Variants in CTIF observed in about 807,000 individuals in gnomAD.
CTIF encodes CBP80/20-dependent translation initiation factor.
In CTIF, 21 loss-of-function variants were observed where a neutral mutation model predicts 66.0. That is an observed-to-expected ratio of 0.32 (90% CI 0.23 to 0.46). The LOEUF is 0.46. CTIF is among the 20% of genes least tolerant of loss of function. CTIF has a pLI of 1.00. For synonymous variants in CTIF, 345 were observed against 326.4 expected (o/e 1.06, Z -0.62); for missense variants, 739 against 812.7 (o/e 0.91, Z 1.10).
intron 9 of CTIF, among the ~76,000 whole-genome samples, chr18:48,774,434 G>A (rs867375595): frequency 2.0e-5 from 3 of 152,064 alleles, no homozygotes; most frequent in African/African-American, 7.2e-5. Context: ...CGGTATCAGG[G>A]TGCAGAGCTC....
At chr18:48,847,412 C>G (rs1427610076) in intron 10 of CTIF, among the ~76,000 whole-genome samples, 1 of 152,078 alleles carries the variant, frequency 6.6e-6, no homozygotes, top group Non-Finnish European at 1.5e-5. Context: ...AGATCCAGGA[C>G]TCTCCAGCAC....
chr18:48,581,457 T>A (rs1170421147), intron 1 of CTIF, among the ~76,000 whole-genome samples: 2 of 152,070 alleles, frequency 1.3e-5, no homozygotes, highest in Non-Finnish European at 2.9e-5. Context: ...CATGCCTGAG[T>A]TGGGTTGGCA....
chr18:48,800,354 AG>A, intron 9 of CTIF, among the ~76,000 whole-genome samples: 1 of 152,218 alleles, frequency 6.6e-6, no homozygotes. Flanking sequence ...GATACCCAAG[AG>A]GCTTACAGTC....
intron 1 of CTIF, among the ~76,000 whole-genome samples, chr18:48,603,481 G>T (rs1872227446): frequency 8.7e-6 from 1 of 115,250 alleles, no homozygotes; most frequent in African/African-American, 3.9e-5. Flanking sequence ...CTAGATGGGT[G>T]GGTGGGTGGG....
chr18:48,547,294 T>TACTC (rs1480854826), intron 1 of CTIF, among the ~76,000 whole-genome samples: 2 of 152,212 alleles, frequency 1.3e-5, no homozygotes, highest in African/African-American at 4.8e-5. Context: ...CCCTACTGCA[T>TACTC]ACTCAGGTCA....
At chr18:48,637,376 C>A (rs1281588055) in intron 3 of CTIF, among the ~76,000 whole-genome samples, 3 of 152,198 alleles carry the variant, frequency 2.0e-5, no homozygotes, top group Non-Finnish European at 2.9e-5. Context: ...GCTGTTCTCA[C>A]TGATACCTCA....
chr18:48,598,405 C>A (rs1321328494), intron 1 of CTIF, among the ~76,000 whole-genome samples: 19 of 152,234 alleles, frequency 1.2e-4, no homozygotes, highest in Admixed American at 1.2e-3. Context: ...CCTCTCCGCT[C>A]TGAGGCCAAG....
chr18:48,766,214 T>G (rs1909524263), intron 9 of CTIF, among the ~76,000 whole-genome samples: 1 of 151,260 alleles, frequency 6.6e-6, no homozygotes, highest in Non-Finnish European at 1.5e-5. Context: ...TGGGATTTTG[T>G]TTAAATGCAG....
intron 1 of CTIF, among the ~76,000 whole-genome samples, chr18:48,615,428 C>T (rs1039367679): frequency 6.6e-6 from 1 of 152,182 alleles, no homozygotes; most frequent in Non-Finnish European, 1.5e-5. Context: ...CTCTGGGCCC[C>T]GCTGCGGAAC....
chr18:48,648,828 G>C (rs962372027), intron 3 of CTIF, among the ~76,000 whole-genome samples: 2 of 152,198 alleles, frequency 1.3e-5, no homozygotes, highest in African/African-American at 4.8e-5. Flanking sequence ...GGTCCAAAAA[G>C]CCAGAGTGAG....
At chr18:48,795,612 G>T (rs563331562) in intron 9 of CTIF, among the ~76,000 whole-genome samples, 1 of 152,178 alleles carries the variant, frequency 6.6e-6, no homozygotes, top group Non-Finnish European at 1.5e-5. Context: ...TCTTTCAGAT[G>T]GGTAGTCCTA....
At chr18:48,649,013 C>T (rs1329246864) in intron 3 of CTIF, among the ~76,000 whole-genome samples, 1 of 152,192 alleles carries the variant, frequency 6.6e-6, no homozygotes, top group Non-Finnish European at 1.5e-5. Context: ...AGGAACAGCT[C>T]TGGTCTGCAG....
chr18:48,660,478 T>C (rs2091324345), intron 3 of CTIF, among the ~76,000 whole-genome samples: 1 of 152,246 alleles, frequency 6.6e-6, no homozygotes, highest in South Asian at 2.1e-4. Flanking sequence ...GCACAGCTTC[T>C]GCCCTGGCTC....
intron 10 of CTIF, among the ~76,000 whole-genome samples, chr18:48,831,874 G>A (rs2068699746): frequency 6.6e-6 from 1 of 152,188 alleles, no homozygotes; most frequent in African/African-American, 2.4e-5. Context: ...TACACTGAAA[G>A]CAGCTCTCAA....
chr18:48,774,039 C>T (rs544513643), intron 9 of CTIF, among the ~76,000 whole-genome samples: 1 of 152,252 alleles, frequency 6.6e-6, no homozygotes, highest in South Asian at 2.1e-4. Context: ...CAGAGGTCTC[C>T]CCAGCTCCCC....
chr18:48,730,741 G>C, intron 7 of CTIF, among the ~76,000 whole-genome samples: 1 of 147,978 alleles, frequency 6.8e-6, no homozygotes, highest in Non-Finnish European at 1.5e-5. Context: ...GTGGTGTGAG[G>C]AGCCCCCGCA....
chr18:48,550,948 A>G (rs982724415), intron 1 of CTIF, among the ~76,000 whole-genome samples: 2 of 152,162 alleles, frequency 1.3e-5, no homozygotes, highest in Non-Finnish European at 2.9e-5. Flanking sequence ...ACGGATCTCT[A>G]CATGTTTTCC....
intron 6 of CTIF, among the ~76,000 whole-genome samples, chr18:48,687,434 G>A (rs2091860043): frequency 1.3e-5 from 2 of 151,614 alleles, no homozygotes; most frequent in African/African-American, 2.4e-5. Flanking sequence ...TCTCTGCTTG[G>A]ATTCAGACCT....
At chr18:48,826,557 C>T (rs2068586183) in intron 10 of CTIF, 1 of 152,254 alleles carries the variant, frequency 6.6e-6, no homozygotes, top group Non-Finnish European at 1.5e-5. Context: ...AATGTCCACC[C>T]GGGGCTGTCA....
Sources: allele counts gnomAD v4.1 joint callset (sites outside exome capture counted in the v4.1 genomes callset), GRCh38; gene constraint gnomAD v4.1.1; transcripts MANE v1.5; gene names NCBI Gene and HGNC (gene_info 2026-07-23, HGNC 2026-07-21).